The following WDTC1 variants were observed in gnomAD, a reference collection of about 807,000 sequenced individuals.
The protein encoded by WDTC1 is WD and tetratricopeptide repeats protein 1.
Under a neutral mutation model 76.0 loss-of-function variants are expected in WDTC1, and 12 were observed. The ratio of observed to expected loss-of-function variants is 0.16; its 90% CI spans 0.10 to 0.26. The LOEUF is 0.26. Ranked by LOEUF, WDTC1 falls within the 10% of genes least tolerant of loss-of-function variation. The pLI, the probability that WDTC1 is intolerant of heterozygous loss-of-function variation, is 1.00. For synonymous variants in WDTC1, 326 were observed against 350.8 expected (o/e 0.93, Z 0.79); for missense variants, 511 against 908.8 (o/e 0.56, Z 5.63).
At chr1:27,242,203 A>G (rs966386458) in intron 1 of WDTC1, among the ~76,000 whole-genome samples, 6 of 151,804 alleles carry the variant, frequency 4.0e-5, no homozygotes, top group Non-Finnish European at 8.8e-5. Flanking sequence ...GATGGTTCAC[A>G]CTTGTAACCC....
In WDTC1 at chr1:27,303,534, G is replaced by A; in HGVS notation, c.1469-87G>A. Reference sequence around the variant, plus strand: ...AGGTAGCTCTATGTTGTCAGACTTTGGACTGAAAACAGAGCCATAGGTGGG... The same window carrying A: ...AGGTAGCTCTATGTTGTCAGACTTTAGACTGAAAACAGAGCCATAGGTGGG... On this transcript the variant is annotated intron_variant, in intron 13 of 15. Transcript: ENST00000319394. This position sits in a 1 kb window ranked among gnomAD's most constrained non-coding sequence, Gnocchi z 4.8. The A allele has an allele frequency of 2.7e-6, 4 of 1,471,780 alleles. No individual in the cohort carries two copies. Among genetic ancestry groups the A allele is most frequent in the Non-Finnish European group, 3.6e-6 (4 of 1,108,982 alleles). 91.2% of individuals were successfully genotyped at this position (1,471,780 alleles called of 1,614,324 possible).
At chr1:27,289,025 C>T (rs1173025405) in intron 6 of WDTC1, among the ~76,000 whole-genome samples, 21 of 142,750 alleles carry the variant, frequency 1.5e-4, no homozygotes, top group African/African-American at 4.4e-4. Context: ...GCTGGCTGGG[C>T]GGGGGGCTGA....
chr1:27,260,616 G>A (rs2012447902), intron 1 of WDTC1, among the ~76,000 whole-genome samples: 1 of 152,186 alleles, frequency 6.6e-6, no homozygotes, highest in African/African-American at 2.4e-5. Context: ...GATGCCTACT[G>A]AGCAAGTGAA....
intron 3 of WDTC1, among the ~76,000 whole-genome samples, chr1:27,266,271 T>G (rs1024845213): frequency 2.0e-5 from 3 of 152,170 alleles, no homozygotes; most frequent in Non-Finnish European, 4.4e-5. Context: ...GAACATGGTA[T>G]CACGGTAGCC....
intron 6 of WDTC1, 24 bp downstream of exon 6, chr1:27,287,885 G>C (rs1456369997): frequency 6.2e-7 from 1 of 1,603,720 alleles, no homozygotes; most frequent in South Asian, 1.1e-5. Context: ...GCATCTAGTG[G>C]AGCCTGTCGC....
At chr1:27,269,621 G>GTTTTTTTTTTT (rs538857228) in intron 3 of WDTC1, among the ~76,000 whole-genome samples, 2 of 126,870 alleles carry the variant, frequency 1.6e-5, no homozygotes, top group African/African-American at 3.0e-5. Context: ...TTTTTTTTCG[G>GTTTTTTTTTTT]TTTTTTTTTT....
rs1332765521 is a variant in WDTC1, at chr1:27,274,926, C to G, written c.133-7313C>G. On this transcript the variant is annotated intron_variant, in intron 3 of 15. Transcript: ENST00000319394. The surrounding 1 kb of genome is among the most constrained non-coding windows in gnomAD (Gnocchi z 4.2). The stretch of plus-strand genomic sequence containing the variant: ...AAGAAAGGAATCTCACTTTACAAAT[C>G]AGAGTAAAACTCAGCATTTCTAAGG... 6.6e-6 allele frequency among the ~76,000 whole-genome samples: 1 copy of G among 152,186 alleles called. No homozygotes were observed. Among genetic ancestry groups the G allele is most frequent in the African/African-American group, 2.4e-5 (1 of 41,450 alleles).
intron 3 of WDTC1, among the ~76,000 whole-genome samples, chr1:27,270,626 G>A (rs1292531747): frequency 1.3e-5 from 2 of 152,174 alleles, no homozygotes; most frequent in Non-Finnish European, 2.9e-5. Context: ...CTGGGGGGAC[G>A]TGGAGGTTGC....
Position 27,251,033 on chromosome 1 carries a change from ATTTTTTTTTTTT to A in WDTC1, c.-99-9897_-99-9886del, listed in dbSNP as rs71584875. On this transcript the variant is annotated intron_variant, in intron 1 of 15. Coordinates refer to ENST00000319394, the MANE Select transcript of WDTC1 (RefSeq NM_001276252.2). ...TGGCGTGCACCACTACTCCTGGCTA[ATTTTTTTTTTTT>A]TTTTTTTTTTTTTTTTTTTTTTTTT... is the stretch of plus-strand genomic sequence containing the variant. Among the ~76,000 whole-genome samples, 188 of 28,672 alleles carry A rather than the reference ATTTTTTTTTTTT, an allele frequency of 6.6e-3. 5 individuals are homozygous for A. In the East Asian group the frequency reaches 0.096, roughly 15 times the overall value. 18.8% of individuals were successfully genotyped at this position (28,672 alleles called of 152,430 possible). A position where few individuals can be genotyped will look rare whatever the true frequency, so the allele number is the denominator to read the frequency against.
At chr1:27,292,756 A>ACTTTTTTTTTTTTTTTTTTTTTTTTTTT (rs1557504610) in intron 7 of WDTC1, among the ~76,000 whole-genome samples, 5 of 101,020 alleles carry the variant, frequency 4.9e-5, no homozygotes, top group African/African-American at 7.9e-5. Flanking sequence ...TTATTGTTTT[A>ACTTTTTTTTTTTTTTTTTTTTTTTTTTT]CTTTTTTTTT....
intron 10 of WDTC1, among the ~76,000 whole-genome samples, chr1:27,296,630 C>G (rs1381107983): frequency 1.3e-5 from 2 of 152,134 alleles, no homozygotes; most frequent in African/African-American, 4.8e-5. Flanking sequence ...AGACAGGTTC[C>G]TTCCATGGCT....
chr1:27,270,485 G>A (rs1426151864), intron 3 of WDTC1, among the ~76,000 whole-genome samples: 1 of 152,154 alleles, frequency 6.6e-6, no homozygotes, highest in Non-Finnish European at 1.5e-5. Context: ...TTGAGCTCAG[G>A]AGTTCAAGAC....
intron 3 of WDTC1, among the ~76,000 whole-genome samples, chr1:27,267,715 T>C (rs917183633): frequency 1.7e-4 from 26 of 152,138 alleles, no homozygotes; most frequent in Non-Finnish European, 5.9e-5. Context: ...AACAACTTAC[T>C]AAAAAATTAA....
intron 1 of WDTC1, among the ~76,000 whole-genome samples, chr1:27,250,098 CAG>C (rs1334784229): frequency 1.3e-5 from 2 of 152,238 alleles, no homozygotes; most frequent in South Asian, 2.1e-4. Flanking sequence ...GCAAATATAA[CAG>C]GGGTTACCAG....
intron 1 of WDTC1, among the ~76,000 whole-genome samples, chr1:27,253,354 C>CTTCTTTCTTCTTCTTTCTTCTTTA (rs1293280199): frequency 1.3e-5 from 2 of 149,812 alleles, no homozygotes; most frequent in African/African-American, 2.5e-5. Flanking sequence ...TTTCTTCTTT[C>CTTCTTTCTTCTTCTTTCTTCTTTA]TTCTTTCTTC....
intron 3 of WDTC1, among the ~76,000 whole-genome samples, chr1:27,263,883 GTATACATATACA>G (rs577771632): frequency 1.1e-4 from 16 of 151,344 alleles, no homozygotes; most frequent in Non-Finnish European, 1.9e-4. Flanking sequence ...ATACATATAC[GTATACATATACA>G]TATACATATA....
At chr1:27,299,030 C>T (rs2013765192) in intron 12 of WDTC1, among the ~76,000 whole-genome samples, 1 of 152,208 alleles carries the variant, frequency 6.6e-6, no homozygotes, top group Non-Finnish European at 1.5e-5. Context: ...GGTAGCCAAA[C>T]CCAGGAGATG....
chr1:27,294,030 TGAA>T lies in WDTC1; in HGVS notation c.673_675del (p.Lys225del). Reference sequence around the variant, plus strand: ...ATTTTCCTTCCCACCAGAAAGAGCATGAAGCAGAGCCCTTCAGCGGGTGTGCAC... The same window carrying T: ...ATTTTCCTTCCCACCAGAAAGAGCATGCAGAGCCCTTCAGCGGGTGTGCAC... On this transcript the variant is annotated inframe_deletion, in exon 8 of 16. Transcript: ENST00000319394. 1 of 1,614,012 alleles carries T rather than the reference TGAA, an allele frequency of 6.2e-7. No individual in the cohort carries two copies. Among genetic ancestry groups the T allele is most frequent in the Non-Finnish European group, 8.5e-7 (1 of 1,179,938 alleles).
chr1:27,301,525 G>T lies in WDTC1; in HGVS notation c.1468+64G>T. ...TCTTTGAGATGCTGCATGACATTCT[G>T]GAGAGGTCATGGTTCTGGGATTGGA... On this transcript the variant is annotated intron_variant, in intron 13 of 15. Transcript: ENST00000319394. This position sits in a 1 kb window ranked among gnomAD's most constrained non-coding sequence, Gnocchi z 5.8. 6.4e-7 allele frequency: 1 copy of T among 1,552,378 alleles called. No homozygotes were observed.
Sources: allele counts gnomAD v4.1 joint callset (sites outside exome capture counted in the v4.1 genomes callset), GRCh38; gene constraint gnomAD v4.1.1; non-coding constraint Gnocchi (gnomAD v3.1); transcripts MANE v1.5; gene names NCBI Gene and HGNC (gene_info 2026-07-23, HGNC 2026-07-21).